LPP: variants seen among roughly 807,000 people sequenced by gnomAD.
LPP encodes the protein LIM domain containing preferred translocation partner in lipoma.
A neutral mutation model predicts 60.4 loss-of-function variants in LPP; 38 were observed. The ratio of observed to expected loss-of-function variants is 0.63; its 90% confidence interval spans 0.49 to 0.83. The LOEUF (loss-of-function observed/expected upper bound fraction) is 0.83. Ranked by LOEUF, LPP falls within the 40% of genes least tolerant of loss-of-function variation. The pLI is 0.00. For synonymous variants in LPP, 328 were observed against 290.8 expected (o/e 1.13, Z -1.30); for missense variants, 902 against 783.6 (o/e 1.15, Z -1.80).
At chr3:188,841,715 ATTCCTTCCTCCTCTGAAGTTG>A (rs1760072265) in intron 9 of LPP, among the ~76,000 whole-genome samples, 1 of 152,140 alleles carries the variant, frequency 6.6e-6, no homozygotes, top group Non-Finnish European at 1.5e-5. Flanking sequence ...GACTTAAAAT[ATTCCTTCCTCCTCTGAAGTTG>A]TTCTTTAAAC....
At chr3:188,424,983 T>C (rs991211547) in intron 4 of LPP, among the ~76,000 whole-genome samples, 7 of 152,224 alleles carry the variant, frequency 4.6e-5, no homozygotes, top group Non-Finnish European at 4.4e-5. Context: ...AATACTATGT[T>C]GAATAGGAGT....
In LPP at chr3:188,875,055, T is replaced by G. The variant is rs2152066034; in HGVS notation, c.*576T>G. 4.5e-6 allele frequency: 1 copy of G among 221,396 alleles called. No individual in the cohort carries two copies. Among genetic ancestry groups the G allele is most frequent in the South Asian group, 1.8e-4 (1 of 5,434 alleles). The allele number at this position is 221,396 out of a possible 1,614,324, so 13.7% of individuals were successfully genotyped here. On this transcript the variant is annotated 3_prime_UTR_variant, in exon 12 of 12. Coordinates refer to ENST00000617246, the MANE Select transcript of LPP (RefSeq NM_001375462.1). ...GAATTTAAGCTGTAAATTACATAAG[T>G]TAGAACAAGCCCAAATTTAATTTGC... is the stretch of plus-strand genomic sequence containing the variant.
intron 7 of LPP, among the ~76,000 whole-genome samples, chr3:188,652,165 A>G (rs1392792715): frequency 6.6e-6 from 1 of 152,158 alleles, no homozygotes; most frequent in Admixed American, 6.6e-5. Flanking sequence ...CCTGCACTGG[A>G]GCAACCTGCC....
intron 2 of LPP, among the ~76,000 whole-genome samples, chr3:188,333,076 A>G (rs12485365): frequency 0.12 from 17,586 of 152,244 alleles, 1,683 homozygotes; most frequent in East Asian, 0.31. Flanking sequence ...AGTAAGAATA[A>G]CAATGTAAGT....
intron 2 of LPP, among the ~76,000 whole-genome samples, chr3:188,295,463 A>G (rs1179369814): frequency 6.6e-6 from 1 of 152,202 alleles, no homozygotes; most frequent in Non-Finnish European, 1.5e-5. Flanking sequence ...TTTTGTTCAC[A>G]TTGAGCAATT....
At chr3:188,740,456 T>A (rs1315001959) in intron 8 of LPP, among the ~76,000 whole-genome samples, 2 of 152,130 alleles carry the variant, frequency 1.3e-5, no homozygotes, top group Non-Finnish European at 2.9e-5. Flanking sequence ...TGTGTCTCTA[T>A]CCTTTCATAT....
intron 2 of LPP, among the ~76,000 whole-genome samples, chr3:188,265,761 T>A (rs1245725794): frequency 6.6e-6 from 1 of 151,888 alleles, no homozygotes; most frequent in African/African-American, 2.4e-5. Context: ...CTGTATCCAA[T>A]CAGAGAAGTT....
chr3:188,187,144 G>A (rs1454377249), intron 1 of LPP, among the ~76,000 whole-genome samples: 1 of 152,090 alleles, frequency 6.6e-6, no homozygotes, highest in Non-Finnish European at 1.5e-5. Flanking sequence ...CATGCATATA[G>A]GCACATGTAT....
intron 8 of LPP, among the ~76,000 whole-genome samples, chr3:188,733,892 C>T (rs1223840334): frequency 6.6e-6 from 1 of 152,228 alleles, no homozygotes; most frequent in African/African-American, 2.4e-5. Flanking sequence ...GCGTATTTCT[C>T]ACTTATACTT....
chr3:188,800,298 T>G (rs1457825721), intron 9 of LPP, among the ~76,000 whole-genome samples: 2 of 136,722 alleles, frequency 1.5e-5, no homozygotes, highest in African/African-American at 5.5e-5. Flanking sequence ...CAGGCTGGGG[T>G]GCAGTGGCGC....
chr3:188,257,169 T>G (rs1419416927), intron 2 of LPP, among the ~76,000 whole-genome samples: 3 of 152,204 alleles, frequency 2.0e-5, no homozygotes. Context: ...CTGTCCCTGA[T>G]GCACATATAG....
chr3:188,154,319 C>G (rs543811383), intron 1 of LPP, among the ~76,000 whole-genome samples, 67 bp downstream of exon 1: 4 of 152,210 alleles, frequency 2.6e-5, no homozygotes, highest in Non-Finnish European at 5.9e-5. Flanking sequence ...CCCCAGCCCT[C>G]CCCCGGCGCG....
At chr3:188,597,123 G>A (rs1197022934) in intron 6 of LPP, among the ~76,000 whole-genome samples, 1 of 152,136 alleles carries the variant, frequency 6.6e-6, no homozygotes, top group Non-Finnish European at 1.5e-5. Context: ...TTCTAATCCT[G>A]ACCCTCTGAA....
At chr3:188,789,538 C>T (rs1046990881) in intron 9 of LPP, among the ~76,000 whole-genome samples, 1 of 152,192 alleles carries the variant, frequency 6.6e-6, no homozygotes, top group Non-Finnish European at 1.5e-5. Context: ...AAAACATTCA[C>T]GTAAATAAAT....
At chr3:188,619,428 G>A (rs1490901701) in intron 7 of LPP, among the ~76,000 whole-genome samples, 1 of 152,186 alleles carries the variant, frequency 6.6e-6, no homozygotes, top group African/African-American at 2.4e-5. Flanking sequence ...TCTCTGCAGG[G>A]GCAGAAAAAT....
intron 3 of LPP, among the ~76,000 whole-genome samples, chr3:188,402,163 A>G (rs905324340): frequency 3.3e-5 from 5 of 152,164 alleles, no homozygotes; most frequent in Non-Finnish European, 5.9e-5. Flanking sequence ...AAAACCAGAT[A>G]ATTCCAGTGT....
At chr3:188,853,807 T>C (rs960037265) in intron 9 of LPP, among the ~76,000 whole-genome samples, 1 of 149,574 alleles carries the variant, frequency 6.7e-6, no homozygotes, top group Admixed American at 6.8e-5. Context: ...CTCCAAACCA[T>C]TGAAGCACTT....
At chr3:188,538,933 G>A (rs1824397286) in intron 6 of LPP, among the ~76,000 whole-genome samples, 2 of 152,096 alleles carry the variant, frequency 1.3e-5, no homozygotes, top group African/African-American at 4.8e-5. Flanking sequence ...AGACAAAAGC[G>A]ACCACAGTTT....
At chr3:188,159,032 C>T (rs1349448264) in intron 1 of LPP, among the ~76,000 whole-genome samples, 2 of 152,208 alleles carry the variant, frequency 1.3e-5, no homozygotes, top group Non-Finnish European at 2.9e-5. Context: ...GACTAAGCCT[C>T]TCTAGCAAAT....
Sources: gnomAD v4.1 joint callset for allele counts (sites outside exome capture counted in the v4.1 genomes callset) on GRCh38, gnomAD v4.1.1 for gene constraint, MANE v1.5 for transcripts, NCBI Gene and HGNC (gene_info 2026-07-23, HGNC 2026-07-21) for gene names.